Variants in SHPRH observed in about 807,000 individuals in gnomAD.
SHPRH encodes the protein E3 ubiquitin-protein ligase SHPRH.
In SHPRH, 106 loss-of-function variants were observed where a neutral mutation model predicts 202.5. The ratio of observed to expected loss-of-function variants is 0.52; its 90% CI spans 0.45 to 0.62. SHPRH has a LOEUF of 0.62. Among genes scored for constraint, SHPRH ranks in the 20% least tolerant of loss-of-function variants. The pLI is 0.00. For synonymous variants in SHPRH, 729 were observed against 686.0 expected, an observed-to-expected ratio of 1.06 and a Z score of -0.98; for missense variants, 1,710 against 2,020.0, an observed-to-expected ratio of 0.85 and a Z score of 2.94.
In SHPRH at chr6:145,963,736, T is replaced by A. The variant is rs780232689; in HGVS notation, c.-38A>T. The A allele has an allele frequency of 6.6e-6, 1 of 151,700 alleles. No homozygotes were observed. The highest frequency in any genetic ancestry group is 2.4e-5 in the African/African-American group (1 of 41,200). The allele number at this position is 151,700 out of a possible 1,614,324, so 9.4% of individuals were successfully genotyped here. On this transcript the variant is annotated 5_prime_UTR_variant, in exon 1 of 30. The change abolishes the stop of an existing upstream ORF in the 5' untranslated region. Transcript: ENST00000275233. ...CTGCGGCGCACGGTACCCACTCAGT[T>A]ATCTTCCGAAAGACCCACAAGCGGC...
At chr6:145,860,469 C>T (rs1779543510), downstream of SHPRH, among the ~76,000 whole-genome samples, 1 of 151,844 alleles carries the variant, frequency 6.6e-6, no homozygotes, top group Admixed American at 6.6e-5. Flanking sequence ...ACATTGAAAA[C>T]TACAAAACAT....
intron 23 of SHPRH, among the ~76,000 whole-genome samples, chr6:145,916,275 G>A (rs770416647): frequency 2.0e-5 from 3 of 151,974 alleles, no homozygotes; most frequent in Non-Finnish European, 4.4e-5. Context: ...CCAAAAATCT[G>A]TAATCTAAAA....
intron 1 of SHPRH, among the ~76,000 whole-genome samples, chr6:145,959,796 T>C (rs541706911): frequency 1.3e-5 from 2 of 152,348 alleles, no homozygotes; most frequent in African/African-American, 4.8e-5. Flanking sequence ...CTTATGAATG[T>C]GCAGGTGATG....
intron 9 of SHPRH, among the ~76,000 whole-genome samples, 184 bp from the exon 10 acceptor site, chr6:145,942,058 T>A (rs562832771): frequency 1.3e-5 from 2 of 152,198 alleles, no homozygotes; most frequent in Non-Finnish European, 2.9e-5. Context: ...ACATAACTGA[T>A]GTGCAACAAA....
intron 25 of SHPRH, among the ~76,000 whole-genome samples, chr6:145,895,369 G>C (rs906748758): frequency 4.6e-5 from 7 of 152,028 alleles, no homozygotes; most frequent in African/African-American, 1.7e-4. Flanking sequence ...CATTAGAAAT[G>C]TTAAGAATAC....
chr6:145,896,412 T>G (rs986738519), intron 25 of SHPRH, among the ~76,000 whole-genome samples: 20 of 152,078 alleles, frequency 1.3e-4, no homozygotes, highest in African/African-American at 4.3e-4. Flanking sequence ...AGGAAAACTA[T>G]GAATCCTTCC....
chr6:145,946,592 T>C (rs1472131618), intron 6 of SHPRH, among the ~76,000 whole-genome samples: 1 of 152,032 alleles, frequency 6.6e-6, no homozygotes, highest in Admixed American at 6.6e-5. Context: ...AATTAACTTT[T>C]AAAGGTATAT....
Position 145,910,637 on chromosome 6 carries a change from C to G in SHPRH, c.4327-1G>C. 1 of 1,596,174 alleles carries G rather than the reference C, an allele frequency of 6.3e-7. No individual in the cohort carries two copies. The highest frequency in any genetic ancestry group is 8.6e-7 in the Non-Finnish European group (1 of 1,169,118). On this transcript the variant is annotated splice_acceptor_variant, in intron 24 of 29. Transcript: ENST00000275233. LOFTEE classifies it high-confidence loss of function. ...AGTGACCACAGGTCAGTACCGCCCA[C>G]TAAAAAGAAAACAGAACAAGCCTTA...
intron 17 of SHPRH, among the ~76,000 whole-genome samples, chr6:145,924,309 T>C (rs1333363725): frequency 6.6e-6 from 1 of 151,986 alleles, no homozygotes; most frequent in African/African-American, 2.4e-5. Context: ...TTGTGTAACC[T>C]CTTTAGATTT....
intron 28 of SHPRH, among the ~76,000 whole-genome samples, chr6:145,888,369 G>C (rs1268696538): frequency 1.1e-4 from 16 of 152,062 alleles, no homozygotes; most frequent in South Asian, 8.3e-4. Context: ...ACTGAAAAAA[G>C]AGTGATGGGA....
downstream of SHPRH, among the ~76,000 whole-genome samples, chr6:145,863,467 AT>A (rs1212989969): frequency 1.3e-5 from 2 of 152,228 alleles, no homozygotes; most frequent in African/African-American, 2.4e-5. Flanking sequence ...ACAAACAACT[AT>A]TTTAAGTGAT....
chr6:145,961,321 C>T (rs1348531344), intron 1 of SHPRH, among the ~76,000 whole-genome samples: 3 of 152,152 alleles, frequency 2.0e-5, no homozygotes, highest in Non-Finnish European at 4.4e-5. Context: ...GCACTACTCC[C>T]TTTATTTTTT....
intron 1 of SHPRH, among the ~76,000 whole-genome samples, chr6:145,958,382 C>T (rs961765816): frequency 6.6e-6 from 1 of 151,902 alleles, no homozygotes; most frequent in African/African-American, 2.4e-5. Flanking sequence ...TAACTTTATT[C>T]AATAAATCTG....
At chr6:145,878,862 C>A (rs1438742985) in intron 2 of SHPRH, among the ~76,000 whole-genome samples, 2 of 152,106 alleles carry the variant, frequency 1.3e-5, no homozygotes, top group African/African-American at 4.8e-5. Context: ...AAAGAAACAA[C>A]CAGCATTAGG....
At chr6:145,953,011 T>A (rs1286739727) in intron 2 of SHPRH, among the ~76,000 whole-genome samples, 1 of 152,088 alleles carries the variant, frequency 6.6e-6, no homozygotes, top group African/African-American at 2.4e-5. Flanking sequence ...AATACTGGCA[T>A]TGATATTTGG....
At position 145,935,373 on chromosome 6, in the gene SHPRH, G is replaced by T. The variant is rs369241631; in HGVS notation, c.2638C>A (p.Leu880Ile). ...TTCTTCTTGCAGTAAGGCCGATAGA[G>T]AAGTCGAACCCACCAGTGTTTGACA... Reference protein sequence around the residue: ...YCVKHWWVRLLYRPYCKKNPQ... With the variant: ...YCVKHWWVRLIYRPYCKKNPQ... The change falls in exon 12 of 30, where the codon CTC (leucine) becomes ATC (isoleucine). Residue 880 changes from leucine to isoleucine, a missense_variant. By Grantham distance (5) the Leu-to-Ile change is conservative. Transcript: ENST00000275233. 6.2e-7 allele frequency: 1 copy of T among 1,613,870 alleles called. No homozygotes were observed. The highest frequency in any genetic ancestry group is 8.5e-7 in the Non-Finnish European group (1 of 1,179,992).
intron 14 of SHPRH, among the ~76,000 whole-genome samples, chr6:145,931,056 T>C (rs927226717): frequency 5.3e-5 from 8 of 152,174 alleles, no homozygotes; most frequent in Admixed American, 3.9e-4. Flanking sequence ...AGAAATATAG[T>C]GGCTTTATCG....
In SHPRH at chr6:145,958,092, C is replaced by T. The variant is rs533978940; in HGVS notation, c.-32-2738G>A. Among the ~76,000 whole-genome samples the T allele has an allele frequency of 3.9e-5, 6 of 152,184 alleles. No homozygotes were observed. The South Asian group carries it at 1.2e-3, about 32-fold the overall frequency. The stretch of plus-strand genomic sequence containing the variant: ...ACTATATACTATATGATTCCATTTA[C>T]ATGAAATTCTAGAAATGGCAAAAAC... On this transcript the variant is annotated intron_variant, in intron 1 of 29. Transcript: ENST00000275233.
chr6:145,887,677 G>A (rs1781192008), intron 29 of SHPRH, among the ~76,000 whole-genome samples: 1 of 151,758 alleles, frequency 6.6e-6, no homozygotes, highest in Non-Finnish European at 1.5e-5. Flanking sequence ...CTAAGACTAT[G>A]GTGCGTGTCA....
Sources: gnomAD v4.1 joint callset for allele counts (sites outside exome capture counted in the v4.1 genomes callset) on GRCh38, gnomAD v4.1.1 for gene constraint, MANE v1.5 for transcripts, NCBI Gene and HGNC (gene_info 2026-07-23, HGNC 2026-07-21) for gene names.